The following TRPC1 variants were observed in gnomAD, a reference collection of about 807,000 sequenced individuals.
TRPC1 encodes the protein short transient receptor potential channel 1.
TRPC1 carries 42 observed loss-of-function variants against 88.2 expected under a neutral mutation model. The observed-to-expected ratio is 0.48, with a 90% confidence interval of 0.37 to 0.62. The LOEUF is 0.62. Ranked by LOEUF, TRPC1 falls within the 20% of genes least tolerant of loss-of-function variation. The probability of loss-of-function intolerance (pLI) is 0.00; values close to 1 mark genes in which losing one functional copy is unlikely to be tolerated. For synonymous variants in TRPC1, 288 were observed against 331.8 expected (o/e 0.87, Z 1.43); for missense variants, 699 against 957.3 (o/e 0.73, Z 3.56).
intron 9 of TRPC1, among the ~76,000 whole-genome samples, chr3:142,798,414 T>C (rs1202739192): frequency 6.6e-6 from 1 of 152,190 alleles, no homozygotes; most frequent in Non-Finnish European, 1.5e-5. Flanking sequence ...TCAAAAATAC[T>C]GTTTTAGCAA....
At chr3:142,757,085 G>A (rs953336214) in intron 4 of TRPC1, among the ~76,000 whole-genome samples, 3 of 152,050 alleles carry the variant, frequency 2.0e-5, no homozygotes, top group Admixed American at 6.5e-5. Flanking sequence ...ATAATATTCC[G>A]TTATGTATAT....
chr3:142,732,940 A>G (rs989018986), intron 1 of TRPC1, among the ~76,000 whole-genome samples: 2 of 149,332 alleles, frequency 1.3e-5, no homozygotes, highest in Non-Finnish European at 3.0e-5. Flanking sequence ...ATATATACTC[A>G]TCCTAAAAAT....
Position 142,736,345 on chromosome 3 carries a change from G to A in TRPC1, c.173-34G>A, listed in dbSNP as rs371421392. On this transcript the variant is annotated intron_variant, in intron 1 of 12. Coordinates refer to ENST00000476941, the MANE Select transcript of TRPC1 (RefSeq NM_001251845.2). Reference sequence around the variant, plus strand: ...CAGTCATCCTTACTTGATATGTCACGGATATTAAATTATGTTTGTATATTG... The same window carrying A: ...CAGTCATCCTTACTTGATATGTCACAGATATTAAATTATGTTTGTATATTG... 259 of 1,488,090 alleles carry A rather than the reference G, an allele frequency of 1.7e-4. No individual in the cohort carries two copies. The highest frequency in any genetic ancestry group is 3.5e-4 in the South Asian group (25 of 71,254). The allele number at this position is 1,488,090 out of a possible 1,614,324, so 92.2% of individuals were successfully genotyped here.
Position 142,724,524 on chromosome 3 carries a change from C to A in TRPC1, c.-36C>A. The stretch of plus-strand genomic sequence containing the variant: ...GGGGTCGGGGCCGGTGGGGGCCCCG[C>A]CCCCGTCTCCTGGCCTGCCCCCTTC... On this transcript the variant is annotated 5_prime_UTR_variant, in exon 1 of 13. Coordinates refer to ENST00000476941, the MANE Select transcript of TRPC1 (RefSeq NM_001251845.2). This position sits in a 1 kb window ranked among gnomAD's most constrained non-coding sequence, Gnocchi z 5.6. 2.7e-6 allele frequency: 4 copies of A among 1,484,122 alleles called. No individual in the cohort carries two copies. Among genetic ancestry groups the A allele is most frequent in the Admixed American group, 2.7e-5 (1 of 37,450 alleles). The allele number at this position is 1,484,122 out of a possible 1,614,324, so 91.9% of individuals were successfully genotyped here. A position where few individuals can be genotyped will look rare whatever the true frequency, so the allele number is the denominator to read the frequency against.
chr3:142,755,147 G>A (rs1334245057), intron 4 of TRPC1, among the ~76,000 whole-genome samples: 2 of 152,126 alleles, frequency 1.3e-5, no homozygotes, highest in Non-Finnish European at 2.9e-5. Flanking sequence ...GTCTTGCTGG[G>A]CGCAGTGGCT....
At chr3:142,783,070 T>C (rs1936014706) in intron 6 of TRPC1, among the ~76,000 whole-genome samples, 1 of 152,216 alleles carries the variant, frequency 6.6e-6, no homozygotes, top group South Asian at 2.1e-4. Flanking sequence ...GACTTCCTCC[T>C]TCCCCACCTC....
In TRPC1 at chr3:142,770,621, A is replaced by C. The variant is rs72990707; in HGVS notation, c.633-7011A>C. ...ATATAATTGAATTTTTAAAAAATCT[A>C]GTCTGACAGCTGCTGCCTTTTGATT... On this transcript the variant is annotated intron_variant, in intron 4 of 12. Transcript: ENST00000476941. Among the ~76,000 whole-genome samples the C allele has an allele frequency of 3.5e-3, 539 of 152,316 alleles. 5 individuals carry two copies. The highest frequency in any genetic ancestry group is 0.012 in the African/African-American group (499 of 41,560).
rs533726727 is a variant in TRPC1, at chr3:142,796,134, G to C, written c.1581+3167G>C. 2.6e-5 allele frequency among the ~76,000 whole-genome samples: 4 copies of C among 152,120 alleles called. No individual in the cohort carries two copies. The South Asian group carries it at 8.3e-4, about 32-fold the overall frequency. ...TTTCCATTTTACAGAGGAAGAATCT[G>C]AGGCATAGAGACATTAAGTAACTTG... On this transcript the variant is annotated intron_variant, in intron 9 of 12. Coordinates refer to ENST00000476941, the MANE Select transcript of TRPC1 (RefSeq NM_001251845.2).
intron 1 of TRPC1, among the ~76,000 whole-genome samples, chr3:142,734,389 G>A (rs1047450198): frequency 6.6e-6 from 1 of 152,090 alleles, no homozygotes; most frequent in African/African-American, 2.4e-5. Flanking sequence ...GTTAAAGGAG[G>A]AATGTGAATG....
chr3:142,794,908 A>G (rs1936406715), intron 9 of TRPC1, among the ~76,000 whole-genome samples: 3 of 152,144 alleles, frequency 2.0e-5, no homozygotes, highest in Admixed American at 1.3e-4. Context: ...CCTATCCAAA[A>G]GCAACACAGA....
intron 8 of TRPC1, among the ~76,000 whole-genome samples, chr3:142,791,629 C>A (rs1178144604): frequency 6.6e-6 from 1 of 151,922 alleles, no homozygotes; most frequent in Non-Finnish European, 1.5e-5. Context: ...CCTGTATATA[C>A]TTAAAATGAG....
At chr3:142,780,309 T>C (rs1935918885) in intron 5 of TRPC1, among the ~76,000 whole-genome samples, 1 of 152,188 alleles carries the variant, frequency 6.6e-6, no homozygotes, top group Non-Finnish European at 1.5e-5. Context: ...TTCTTTCTAA[T>C]TTGAATTTCA....
intron 4 of TRPC1, among the ~76,000 whole-genome samples, chr3:142,768,855 T>G (rs755703999): frequency 1.3e-5 from 2 of 152,178 alleles, no homozygotes; most frequent in Non-Finnish European, 2.9e-5. Flanking sequence ...TGTGCTATTA[T>G]TTTCACATAT....
intron 1 of TRPC1, among the ~76,000 whole-genome samples, chr3:142,726,439 G>A (rs1354779723): frequency 1.3e-5 from 2 of 152,090 alleles, no homozygotes; most frequent in Non-Finnish European, 2.9e-5. Flanking sequence ...TTCTTTGTCA[G>A]TTTTTTATTT....
chr3:142,782,339 A>T (rs1405873950), intron 6 of TRPC1, among the ~76,000 whole-genome samples: 1 of 152,238 alleles, frequency 6.6e-6, no homozygotes, highest in Non-Finnish European at 1.5e-5. Flanking sequence ...GCGATTTTAA[A>T]GATGAATGAA....
At chr3:142,797,340 T>G (rs1471030875) in intron 9 of TRPC1, among the ~76,000 whole-genome samples, 2 of 152,082 alleles carry the variant, frequency 1.3e-5, no homozygotes, top group Non-Finnish European at 2.9e-5. Context: ...TATCATGTGA[T>G]TCTAAAACAG....
chr3:142,797,617 G>A (rs1038351202), intron 9 of TRPC1, among the ~76,000 whole-genome samples: 2 of 152,076 alleles, frequency 1.3e-5, no homozygotes, highest in Admixed American at 6.6e-5. Context: ...GGTTCTGACA[G>A]GTTGGTTCAA....
chr3:142,752,392 C>G (rs527631170), intron 4 of TRPC1, among the ~76,000 whole-genome samples: 2 of 152,270 alleles, frequency 1.3e-5, no homozygotes, highest in African/African-American at 4.8e-5. Flanking sequence ...TTATGTTTCT[C>G]TCCACCCAAA....
rs548918869 is a variant in TRPC1, at chr3:142,743,467, C to CT, written c.328-5dup. 80,138 of 1,056,108 alleles carry CT rather than the reference C, an allele frequency of 0.076. No individual in the cohort carries two copies. The highest frequency in any genetic ancestry group is 0.11 in the South Asian group (6,183 of 57,780). 65.4% of individuals were successfully genotyped at this position (1,056,108 alleles called of 1,614,324 possible). A position where few individuals can be genotyped will look rare whatever the true frequency, so the allele number is the denominator to read the frequency against. ...TTTTATCTTCCATTTTCATTTTTAA[C>CT]TTTTTTTTTTTTTGAAGTCTGCAGA... On this transcript the variant is annotated splice_polypyrimidine_tract_variant and intron_variant, in intron 2 of 12. Transcript: ENST00000476941.
Sources: gnomAD v4.1 joint callset for allele counts (sites outside exome capture counted in the v4.1 genomes callset) on GRCh38, gnomAD v4.1.1 for gene constraint, Gnocchi (gnomAD v3.1) non-coding constraint, MANE v1.5 for transcripts, NCBI Gene and HGNC (gene_info 2026-07-23, HGNC 2026-07-21) for gene names.